The following GPM6A variants were observed in gnomAD, a reference collection of about 807,000 sequenced individuals.
GPM6A encodes the protein glycoprotein M6A.
Under a neutral mutation model 32.1 loss-of-function variants are expected in GPM6A, and 7 were observed. The observed-to-expected ratio is 0.22, with a 90% confidence interval of 0.12 to 0.41. The LOEUF (loss-of-function observed/expected upper bound fraction) is 0.41, where lower values mean the gene tolerates loss of function less well. Among genes scored for constraint, GPM6A ranks in the 10% least tolerant of loss-of-function variants. The pLI is 1.00. For missense variants in GPM6A, 235 were observed against 347.2 expected (o/e 0.68, Z 2.57); for synonymous variants, 130 against 123.4 (o/e 1.05, Z -0.35).
At chr4:175,655,812 T>C (rs987201817) in intron 3 of GPM6A, among the ~76,000 whole-genome samples, 5 of 151,996 alleles carry the variant, frequency 3.3e-5, no homozygotes, top group Non-Finnish European at 5.9e-5. Flanking sequence ...ATTTGCGAGC[T>C]GGAAATTATG....
intron 1 of GPM6A, among the ~76,000 whole-genome samples, chr4:175,783,294 A>G (rs12640001): frequency 0.43 from 65,263 of 151,596 alleles, 15,768 homozygotes; most frequent in East Asian, 0.88. Flanking sequence ...TTTTGCCAAT[A>G]ATTTTTTTAA....
At chr4:175,873,815 G>C (rs1736995705) in intron 1 of GPM6A, among the ~76,000 whole-genome samples, 1 of 152,116 alleles carries the variant, frequency 6.6e-6, no homozygotes, top group African/African-American at 2.4e-5. Context: ...AGGAAGCTCA[G>C]TAAATAATTG....
intron 1 of GPM6A, among the ~76,000 whole-genome samples, chr4:175,750,086 T>C (rs1042903848): frequency 4.6e-5 from 7 of 151,836 alleles, no homozygotes; most frequent in Non-Finnish European, 8.8e-5. Context: ...TGAGATGGAG[T>C]CTCACTTTGT....
At chr4:175,831,617 G>T (rs1480772870) in intron 1 of GPM6A, among the ~76,000 whole-genome samples, 1 of 151,616 alleles carries the variant, frequency 6.6e-6, no homozygotes, top group Non-Finnish European at 1.5e-5. Context: ...CCACCTCCTA[G>T]GGAGTCCCCT....
At chr4:175,922,341 T>G (rs1056056346) in intron 1 of GPM6A, among the ~76,000 whole-genome samples, 1 of 152,250 alleles carries the variant, frequency 6.6e-6, no homozygotes, top group South Asian at 2.1e-4. Context: ...CAGTCCACAT[T>G]AATAGATTTT....
rs534979118 is a variant in GPM6A, at chr4:175,798,296, T to C, written c.37+13895A>G. ...TGTTACATCATTTAATAACTTTTAA[T>C]GAAGCTGAGTTATTTAAACTTGACG... On this transcript the variant is annotated intron_variant, in intron 1 of 6. Transcript: ENST00000393658. Among the ~76,000 whole-genome samples, 10 of 152,336 alleles carry C rather than the reference T, an allele frequency of 6.6e-5. No homozygotes were observed. The South Asian group carries it at 1.7e-3, about 25-fold the overall frequency.
intron 1 of GPM6A, among the ~76,000 whole-genome samples, chr4:175,940,848 C>A (rs1739383498): frequency 6.6e-6 from 1 of 152,206 alleles, no homozygotes; most frequent in African/African-American, 2.4e-5. Flanking sequence ...ACCTTGTGAT[C>A]CGCCAGCCTC....
chr4:175,768,969 C>T (rs1733083151), intron 1 of GPM6A, among the ~76,000 whole-genome samples: 1 of 151,974 alleles, frequency 6.6e-6, no homozygotes, highest in South Asian at 2.1e-4. Context: ...GTGGTGGGCG[C>T]CTGTAATCCC....
chr4:175,982,123 C>T (rs931344010), intron 1 of GPM6A, among the ~76,000 whole-genome samples: 1 of 151,800 alleles, frequency 6.6e-6, no homozygotes, highest in African/African-American at 2.4e-5. Context: ...TTTTATTATT[C>T]TTTATATATT....
chr4:175,700,305 C>T (rs778103301), intron 2 of GPM6A, among the ~76,000 whole-genome samples: 3 of 152,074 alleles, frequency 2.0e-5, no homozygotes, highest in Non-Finnish European at 2.9e-5. Flanking sequence ...ATACCTTGTT[C>T]AAGATAATCT....
chr4:175,834,362 C>G (rs1485997764), intron 1 of GPM6A, among the ~76,000 whole-genome samples: 1 of 152,108 alleles, frequency 6.6e-6, no homozygotes, highest in East Asian at 1.9e-4. Context: ...TCTTGGCTTG[C>G]TTGTTTGCAT....
chr4:175,968,927 A>T (rs922929017), intron 1 of GPM6A, among the ~76,000 whole-genome samples: 1 of 152,266 alleles, frequency 6.6e-6, no homozygotes, highest in Non-Finnish European at 1.5e-5. Context: ...GTATTTACCT[A>T]CATGAATTAA....
chr4:175,786,885 CTTT>C (rs1733821699), intron 1 of GPM6A: 1 of 153,164 alleles, frequency 6.5e-6, no homozygotes, highest in Non-Finnish European at 1.4e-5. Context: ...AACTTTCTTT[CTTT>C]GAGTTCGAGG....
At chr4:175,995,376 TAAAAAAAAAA>T (rs10541049) in intron 1 of GPM6A, among the ~76,000 whole-genome samples, 2 of 96,304 alleles carry the variant, frequency 2.1e-5, no homozygotes, top group East Asian at 3.3e-4. Context: ...TTTCAATTTG[TAAAAAAAAAA>T]AAAAAAAAAA....
intron 1 of GPM6A, among the ~76,000 whole-genome samples, chr4:175,834,805 C>A (rs951832672): frequency 6.6e-6 from 1 of 152,146 alleles, no homozygotes; most frequent in Admixed American, 6.5e-5. Context: ...CTTCCTTAAT[C>A]TTTTGCATCT....
chr4:175,955,827 T>C (rs1739967941), intron 1 of GPM6A, among the ~76,000 whole-genome samples: 2 of 152,132 alleles, frequency 1.3e-5, no homozygotes. Context: ...AAGCAGGGTT[T>C]TGGAGAGCTG....
intron 6 of GPM6A, 31 bp downstream of exon 6, chr4:175,640,098 A>G: frequency 1.9e-6 from 3 of 1,561,704 alleles, no homozygotes; most frequent in South Asian, 2.2e-5. Flanking sequence ...ATTCACATTG[A>G]AAACCAAGCA....
chr4:175,739,177 T>G (rs1731783405), intron 1 of GPM6A, among the ~76,000 whole-genome samples: 1 of 152,168 alleles, frequency 6.6e-6, no homozygotes. Context: ...TCTCATTAAG[T>G]TCTTTGCCTG....
intron 1 of GPM6A, among the ~76,000 whole-genome samples, chr4:175,932,767 CTG>C (rs1430749618): frequency 2.0e-5 from 3 of 151,794 alleles, no homozygotes; most frequent in Non-Finnish European, 2.9e-5. Flanking sequence ...TGAAGGTAGA[CTG>C]TAATAAAATG....
Sources: allele counts gnomAD v4.1 joint callset (sites outside exome capture counted in the v4.1 genomes callset), GRCh38; gene constraint gnomAD v4.1.1; transcripts MANE v1.5; gene names NCBI Gene and HGNC (gene_info 2026-07-23, HGNC 2026-07-21).